Variants in ZNF385D observed in about 807,000 individuals in gnomAD.
ZNF385D encodes zinc finger protein 385D.
A neutral mutation model predicts 35.8 loss-of-function variants in ZNF385D; 15 were observed. The observed-to-expected ratio is 0.42, with a 90% CI of 0.28 to 0.64. The LOEUF (loss-of-function observed/expected upper bound fraction) is 0.64, where lower values mean the gene tolerates loss of function less well. Ranked by LOEUF, ZNF385D falls within the 30% of genes least tolerant of loss-of-function variation. ZNF385D has a pLI of 0.23. For missense variants in ZNF385D, 474 were observed against 494.6 expected, an observed-to-expected ratio of 0.96 and a Z score of 0.39; for synonymous variants, 212 against 186.8, an observed-to-expected ratio of 1.13 and a Z score of -1.10.
intron 3 of ZNF385D, among the ~76,000 whole-genome samples, chr3:22,021,122 G>T (rs1697200423): frequency 1.3e-5 from 2 of 151,804 alleles, no homozygotes; most frequent in South Asian, 4.1e-4. Context: ...GAGGGGGATG[G>T]GGTTAGATGA....
chr3:21,695,758 T>A (rs116751603), intron 1 of ZNF385D, among the ~76,000 whole-genome samples: 3,636 of 100,278 alleles, frequency 0.036, 135 homozygotes, highest in African/African-American at 0.1. Flanking sequence ...AAATATATAT[T>A]ATATATATAT....
chr3:22,067,369 A>G (rs1315234626), intron 3 of ZNF385D, among the ~76,000 whole-genome samples: 1 of 152,188 alleles, frequency 6.6e-6, no homozygotes, highest in Admixed American at 6.5e-5. Flanking sequence ...AAAATGCCTA[A>G]TATCATTTTA....
At chr3:21,613,851 T>C (rs2064762216) in intron 2 of ZNF385D, among the ~76,000 whole-genome samples, 1 of 152,180 alleles carries the variant, frequency 6.6e-6, no homozygotes, top group Non-Finnish European at 1.5e-5. Context: ...TGCCACATAT[T>C]ATAAGGTTGT....
intron 1 of ZNF385D, among the ~76,000 whole-genome samples, chr3:21,710,312 C>G (rs970499948): frequency 1.6e-4 from 25 of 152,262 alleles, no homozygotes; most frequent in African/African-American, 5.5e-4. Context: ...TAGATAGATA[C>G]TTGCTTTTTT....
At chr3:21,729,769 T>A (rs1343511177) in intron 1 of ZNF385D, among the ~76,000 whole-genome samples, 1 of 152,160 alleles carries the variant, frequency 6.6e-6, no homozygotes, top group Non-Finnish European at 1.5e-5. Flanking sequence ...ACTCAGGAAA[T>A]CTGCCAGAAA....
chr3:21,449,571 C>G lies in ZNF385D; in HGVS notation c.440-12368G>C, dbSNP rs76253816. On this transcript the variant is annotated intron_variant, in intron 4 of 7. Transcript: ENST00000281523. ...ATATTTCTGTTACTTTTAACAACAA[C>G]CCAACTGTGAAATTTAAAAGCTAGC... is the stretch of plus-strand genomic sequence containing the variant. Among the ~76,000 whole-genome samples, 6 of 152,064 alleles carry G rather than the reference C, an allele frequency of 3.9e-5. 1 individual carries two copies. In the East Asian group the frequency reaches 1.2e-3, roughly 29 times the overall value.
chr3:21,869,412 C>T (rs1182394592), intron 3 of ZNF385D, among the ~76,000 whole-genome samples: 2 of 152,098 alleles, frequency 1.3e-5, no homozygotes, highest in African/African-American at 4.8e-5. Flanking sequence ...CATGTGATCC[C>T]CACCGCTCAT....
chr3:22,140,114 G>A (rs1416623704), intron 3 of ZNF385D, among the ~76,000 whole-genome samples: 7 of 152,064 alleles, frequency 4.6e-5, no homozygotes, highest in South Asian at 2.1e-4. Flanking sequence ...CTAGAGAAAC[G>A]AAAATTTATT....
chr3:21,973,360 T>C (rs550099050), intron 3 of ZNF385D, among the ~76,000 whole-genome samples: 1 of 152,074 alleles, frequency 6.6e-6, no homozygotes, highest in East Asian at 1.9e-4. Context: ...TTTGCTACAT[T>C]TTAACATTCC....
chr3:22,172,862 T>C (rs943277859), intron 2 of ZNF385D, among the ~76,000 whole-genome samples: 1 of 152,164 alleles, frequency 6.6e-6, no homozygotes, highest in African/African-American at 2.4e-5. Context: ...CAAAGCGGGA[T>C]AGGGCACAAC....
chr3:22,007,522 C>T (rs1696286745), intron 3 of ZNF385D, among the ~76,000 whole-genome samples: 1 of 152,124 alleles, frequency 6.6e-6, no homozygotes, highest in African/African-American at 2.4e-5. Flanking sequence ...GCATTCATTG[C>T]TGGCTTCATG....
At chr3:21,766,970 C>T (rs1025284236) in intron 3 of ZNF385D, among the ~76,000 whole-genome samples, 1 of 152,020 alleles carries the variant, frequency 6.6e-6, no homozygotes, top group Non-Finnish European at 1.5e-5. Flanking sequence ...AGCTCAATGG[C>T]CATATTTAGT....
intron 3 of ZNF385D, among the ~76,000 whole-genome samples, chr3:22,045,128 T>C (rs569260426): frequency 6.6e-6 from 1 of 152,216 alleles, no homozygotes; most frequent in South Asian, 2.1e-4. Flanking sequence ...AAGCCTATTT[T>C]TCCTTTTGTT....
chr3:21,499,911 T>C (rs1204474073), intron 4 of ZNF385D, among the ~76,000 whole-genome samples: 5 of 152,194 alleles, frequency 3.3e-5, no homozygotes, highest in Non-Finnish European at 7.4e-5. Flanking sequence ...ATGGGATTAA[T>C]ATGCTTTCTG....
chr3:22,009,328 T>TA (rs1446675875), intron 3 of ZNF385D, among the ~76,000 whole-genome samples: 1 of 151,636 alleles, frequency 6.6e-6, no homozygotes, highest in Admixed American at 6.6e-5. Context: ...AAATATTTTT[T>TA]AAAAAATAGA....
In ZNF385D at chr3:22,123,686, C is replaced by G. The variant is rs1703232122; in HGVS notation, c.325+45131G>C. Among the ~76,000 whole-genome samples, 5 of 152,046 alleles carry G rather than the reference C, an allele frequency of 3.3e-5. No homozygotes were observed. In the South Asian group the frequency reaches 1.0e-3, roughly 32 times the overall value. On this transcript the variant is annotated intron_variant, in intron 3 of 5. Coordinates refer to the ZNF385D transcript ENST00000494108. ...ACCAGCCTGGCCAACATAGTGAAACCCCATCTCTACTAAAAAGTACAAAAA... is the reference window on the plus strand; with the variant it reads ...ACCAGCCTGGCCAACATAGTGAAACGCCATCTCTACTAAAAAGTACAAAAA...
At chr3:21,452,460 G>T (rs1265232423) in intron 4 of ZNF385D, among the ~76,000 whole-genome samples, 2 of 151,984 alleles carry the variant, frequency 1.3e-5, no homozygotes, top group Admixed American at 6.6e-5. Flanking sequence ...AAGGTATCCA[G>T]ATTAGAGAAG....
intron 2 of ZNF385D, among the ~76,000 whole-genome samples, chr3:22,296,372 G>C (rs893686886): frequency 1.3e-5 from 2 of 152,090 alleles, no homozygotes; most frequent in African/African-American, 4.8e-5. Context: ...ATAGGTTCTT[G>C]TTGTTGGCTA....
intron 3 of ZNF385D, among the ~76,000 whole-genome samples, chr3:22,157,699 G>A (rs1315482601): frequency 6.6e-6 from 1 of 151,970 alleles, no homozygotes; most frequent in East Asian, 1.9e-4. Context: ...ATAAAATCTT[G>A]AAGTAAAAAT....
Sources: gnomAD v4.1 joint callset for allele counts (sites outside exome capture counted in the v4.1 genomes callset) on GRCh38, gnomAD v4.1.1 for gene constraint, MANE v1.5 for transcripts, NCBI Gene and HGNC (gene_info 2026-07-23, HGNC 2026-07-21) for gene names.